The following LRP1B variants were observed in gnomAD, a reference collection of about 807,000 sequenced individuals.
LRP1B encodes low-density lipoprotein receptor-related protein 1B.
A neutral mutation model predicts 556.6 loss-of-function variants in LRP1B; 217 were observed. The observed-to-expected ratio is 0.39, with a 90% CI of 0.35 to 0.44. The LOEUF (loss-of-function observed/expected upper bound fraction) is 0.44, where lower values mean the gene tolerates loss of function less well. LRP1B is among the 20% of genes least tolerant of loss of function. The pLI is 1.00. For synonymous variants in LRP1B, 2,047 were observed against 1,865.8 expected (o/e 1.10, Z -2.50); for missense variants, 5,053 against 5,620.8 (o/e 0.90, Z 3.23).
intron 7 of LRP1B, among the ~76,000 whole-genome samples, chr2:141,110,746 G>C (rs1483066906): frequency 6.6e-6 from 1 of 151,918 alleles, no homozygotes; most frequent in Non-Finnish European, 1.5e-5. Context: ...TTCCTTTCTG[G>C]GAGTCAAACC....
chr2:140,589,305 A>G (rs929526437), intron 43 of LRP1B, among the ~76,000 whole-genome samples: 7 of 152,332 alleles, frequency 4.6e-5, no homozygotes, highest in African/African-American at 1.7e-4. Context: ...ACAAAAAAGT[A>G]TCATCTAGAA....
intron 1 of LRP1B, among the ~76,000 whole-genome samples, chr2:142,020,784 G>A (rs886286580): frequency 1.3e-5 from 2 of 152,072 alleles, no homozygotes; most frequent in African/African-American, 2.4e-5. Flanking sequence ...AATTAGAATT[G>A]GATTAGAATC....
At chr2:141,083,571 T>C (rs1417290409) in intron 7 of LRP1B, among the ~76,000 whole-genome samples, 1 of 152,164 alleles carries the variant, frequency 6.6e-6, no homozygotes, top group Admixed American at 6.5e-5. Context: ...TAATTACCAA[T>C]GTGGCGATGT....
In LRP1B at chr2:140,234,841, T is replaced by C. The variant is rs904379695; in HGVS notation, c.13604A>G (p.His4535Arg). 1.3e-6 allele frequency: 1 copy of C among 775,870 alleles called. No individual in the cohort carries two copies. The highest frequency in any genetic ancestry group is 2.4e-6 in the Non-Finnish European group (1 of 414,888). The allele number at this position is 775,870 out of a possible 1,614,324, so 48.1% of individuals were successfully genotyped here. ...GGGPSAFKLP[H>R]TAPPIYLNSD... ...GTTTAGGTAGATGGGCGGCGCTGTG[T>C]GTGGAAGCTTGAAAGCACTGGGTCC... Residue 4535 changes from histidine (H) to arginine (R), a missense_variant, in exon 90 of 91, where the codon CAC (histidine) becomes CGC (arginine). By Grantham distance (29) the His-to-Arg change is conservative. Transcript: ENST00000389484.
intron 62 of LRP1B, among the ~76,000 whole-genome samples, chr2:140,454,845 G>A (rs1052999354): frequency 3.3e-5 from 5 of 151,806 alleles, no homozygotes; most frequent in Non-Finnish European, 1.5e-5. Context: ...TATTTGAGAT[G>A]TTCATCTGTG....
At chr2:141,449,233 G>A (rs1257994003) in intron 3 of LRP1B, among the ~76,000 whole-genome samples, 2 of 152,132 alleles carry the variant, frequency 1.3e-5, no homozygotes, top group Non-Finnish European at 2.9e-5. Context: ...GCTTAATCTT[G>A]TGAAGCCCAC....
chr2:140,262,588 T>C (rs1410975389), intron 86 of LRP1B, among the ~76,000 whole-genome samples: 1 of 152,138 alleles, frequency 6.6e-6, no homozygotes, highest in African/African-American at 2.4e-5. Context: ...TCACCTTTGA[T>C]AGTGAAGATA....
At chr2:141,146,778 T>A (rs570954521) in intron 7 of LRP1B, among the ~76,000 whole-genome samples, 39 of 152,290 alleles carry the variant, frequency 2.6e-4, no homozygotes, top group African/African-American at 8.9e-4. Flanking sequence ...GCTGTTCTTC[T>A]CCGTTTTCCT....
intron 20 of LRP1B, among the ~76,000 whole-genome samples, chr2:140,929,072 C>T (rs914759995): frequency 1.3e-5 from 2 of 151,898 alleles, no homozygotes; most frequent in Non-Finnish European, 2.9e-5. Context: ...AAAGTTTTTG[C>T]GAGCTGTTGT....
intron 11 of LRP1B, among the ~76,000 whole-genome samples, chr2:141,035,690 C>T (rs1378591700): frequency 6.6e-6 from 1 of 152,024 alleles, no homozygotes; most frequent in African/African-American, 2.4e-5. Context: ...TAATATAACA[C>T]ATAAACCAAT....
intron 43 of LRP1B, among the ~76,000 whole-genome samples, chr2:140,570,669 TATAATCTC>T (rs1003886123): frequency 7.9e-5 from 12 of 151,784 alleles, no homozygotes; most frequent in African/African-American, 2.9e-4. Context: ...AATCTCATTT[TATAATCTC>T]AGCATACCTT....
intron 84 of LRP1B, among the ~76,000 whole-genome samples, chr2:140,275,106 C>T (rs1191636678): frequency 3.3e-5 from 5 of 151,912 alleles, no homozygotes; most frequent in African/African-American, 9.7e-5. Flanking sequence ...TAATGCAGAA[C>T]ATTGTCAAAC....
intron 2 of LRP1B, among the ~76,000 whole-genome samples, chr2:141,751,991 C>G (rs533862832): frequency 6.6e-6 from 1 of 150,924 alleles, no homozygotes; most frequent in African/African-American, 2.4e-5. Flanking sequence ...ATCTTTGTAA[C>G]GGATTAAAAC....
intron 43 of LRP1B, among the ~76,000 whole-genome samples, chr2:140,582,310 T>C (rs1157345551): frequency 1.3e-5 from 2 of 152,170 alleles, no homozygotes; most frequent in Non-Finnish European, 2.9e-5. Flanking sequence ...TAGGCATCAC[T>C]ATCACGTAAA....
intron 35 of LRP1B, among the ~76,000 whole-genome samples, chr2:140,768,633 C>T (rs1027489741): frequency 7.2e-5 from 11 of 151,930 alleles, no homozygotes; most frequent in African/African-American, 1.4e-4. Context: ...TCATATTAGC[C>T]GCAGCAAAAT....
intron 1 of LRP1B, among the ~76,000 whole-genome samples, chr2:142,050,492 G>C (rs1007462100): frequency 6.6e-6 from 1 of 152,072 alleles, no homozygotes; most frequent in African/African-American, 2.4e-5. Flanking sequence ...TTCTGAATAA[G>C]TGTTAGGGTG....
At chr2:140,533,148 A>C (rs1024433012) in intron 47 of LRP1B, among the ~76,000 whole-genome samples, 1 of 151,982 alleles carries the variant, frequency 6.6e-6, no homozygotes, top group African/African-American at 2.4e-5. Flanking sequence ...GAAGGCTTTC[A>C]ATGTCAGACT....
chr2:141,108,765 T>TA, intron 7 of LRP1B, among the ~76,000 whole-genome samples: 1 of 152,328 alleles, frequency 6.6e-6, no homozygotes, highest in East Asian at 1.9e-4. Context: ...AGTATGAAGA[T>TA]AGATGTTTTG....
chr2:140,633,958 C>A (rs1683985055), intron 41 of LRP1B, among the ~76,000 whole-genome samples: 1 of 152,022 alleles, frequency 6.6e-6, no homozygotes, highest in Admixed American at 6.6e-5. Context: ...ATGAGGCTAG[C>A]CTTAAACTAA....
Sources: allele counts gnomAD v4.1 joint callset (sites outside exome capture counted in the v4.1 genomes callset), GRCh38; gene constraint gnomAD v4.1.1; transcripts MANE v1.5; gene names NCBI Gene and HGNC (gene_info 2026-07-23, HGNC 2026-07-21).